Variants in FAM199X observed in about 807,000 individuals in gnomAD.
FAM199X encodes protein FAM199X.
FAM199X carries 4 observed loss-of-function variants against 22.9 expected under a neutral mutation model. The observed-to-expected ratio is 0.17, with a 90% CI of 0.09 to 0.40. The LOEUF is 0.40. Among genes scored for constraint, FAM199X ranks in the 10% least tolerant of loss-of-function variants. The probability of loss-of-function intolerance (pLI) is 1.00; values close to 1 mark genes in which losing one functional copy is unlikely to be tolerated. For synonymous variants in FAM199X, 101 were observed against 112.3 expected (o/e 0.90, Z 0.64); for missense variants, 183 against 306.8 (o/e 0.60, Z 3.01).
the FAM199X span, among the ~76,000 whole-genome samples, chrX:104,158,986 A>G: frequency 8.9e-6 from 1 of 112,131 alleles, no homozygotes; most frequent in Non-Finnish European, 1.9e-5. Flanking sequence ...CAACGATAGC[A>G]CACATGTCTG....
chrX:104,174,050 A>G (rs1921427186), intron 1 of FAM199X, among the ~76,000 whole-genome samples: 1 of 111,646 alleles, frequency 9.0e-6, no homozygotes, highest in Non-Finnish European at 1.9e-5. Context: ...TGGGGCGGAC[A>G]GATGGCTTGA....
At position 104,195,601 on chromosome X, in the gene FAM199X, A is replaced by G. The variant is rs1366716129; in HGVS notation, c.*5823A>G. 9.0e-6 allele frequency: 1 copy of G among 111,258 alleles called. No homozygotes were observed. Among genetic ancestry groups the G allele is most frequent in the Admixed American group, 9.6e-5 (1 of 10,440 alleles). 9.2% of individuals were successfully genotyped at this position (111,258 alleles called of 1,213,427 possible). On this transcript the variant is annotated 3_prime_UTR_variant, in exon 6 of 6. Coordinates refer to ENST00000493442, the MANE Select transcript of FAM199X (RefSeq NM_207318.4). ...ATTTAGAATCTTAAGTTAGAATTTT[A>G]TAGAAGAAATGTCTGAGCAGTTCTA...
chrX:104,186,220 A>G lies in FAM199X; in HGVS notation c.567+5A>G. ...GCAATGACAAATGATGAGCAGGTAA[A>G]GATCTTGACATTCTTAATTAAAAGC... On this transcript the variant is annotated splice_donor_5th_base_variant and intron_variant, in intron 3 of 5. Transcript: ENST00000493442. The G allele has an allele frequency of 8.3e-7, 1 of 1,202,936 alleles. No homozygotes were observed.
In FAM199X at chrX:104,166,600, G is replaced by A; in HGVS notation, c.-186G>A. The A allele has an allele frequency of 2.7e-6, 1 of 363,646 alleles. No individual in the cohort carries two copies. Among genetic ancestry groups the A allele is most frequent in the Admixed American group, 6.0e-5 (1 of 16,722 alleles). 30.0% of individuals were successfully genotyped at this position (363,646 alleles called of 1,213,427 possible). The stretch of plus-strand genomic sequence containing the variant: ...GGCCGGTGGGCCGCTGTGGCCTCGA[G>A]CAGCCTCTTCGCGCGGCCCCGCACC... On this transcript the variant is annotated 5_prime_UTR_variant, in exon 1 of 6. Coordinates refer to ENST00000493442, the MANE Select transcript of FAM199X (RefSeq NM_207318.4).
chrX:104,189,532 T>A lies in FAM199X; in HGVS notation c.997-76T>A, dbSNP rs1257713218. ...GCTCTTAAAGTTAGAAAATAGAGAATTTGATCCACAAAACATTTTGGGGTG... is the reference window on the plus strand; with the variant it reads ...GCTCTTAAAGTTAGAAAATAGAGAAATTGATCCACAAAACATTTTGGGGTG... On this transcript the variant is annotated intron_variant, in intron 5 of 5. Coordinates refer to ENST00000493442, the MANE Select transcript of FAM199X (RefSeq NM_207318.4). The A allele has an allele frequency of 3.9e-6, 4 of 1,012,927 alleles. No individual in the cohort carries two copies. In the Admixed American group the frequency reaches 8.9e-5, roughly 23 times the overall value. The allele number at this position is 1,012,927 out of a possible 1,213,427, so 83.5% of individuals were successfully genotyped here. A position where few individuals can be genotyped will look rare whatever the true frequency, so the allele number is the denominator to read the frequency against.
chrX:104,181,226 A>G (rs1260004073), intron 2 of FAM199X, among the ~76,000 whole-genome samples: 2 of 112,821 alleles, frequency 1.8e-5, no homozygotes, highest in Non-Finnish European at 1.9e-5. Context: ...AAGTCTCCCT[A>G]TGTTTCACAA....
intron 1 of FAM199X, among the ~76,000 whole-genome samples, chrX:104,167,278 G>A (rs1921232865): frequency 1.6e-5 from 1 of 62,158 alleles, no homozygotes. Context: ...TGTACCCTAC[G>A]AATCCCAAAC....
Position 104,189,979 on chromosome X carries a change from C to A in FAM199X, c.*201C>A. The A allele has an allele frequency of 2.5e-6, 1 of 394,655 alleles. No homozygotes were observed. The highest frequency in any genetic ancestry group is 4.3e-6 in the Non-Finnish European group (1 of 231,762). The allele number at this position is 394,655 out of a possible 1,213,427, so 32.5% of individuals were successfully genotyped here. Reference sequence around the variant, plus strand: ...TTGTTAGGAATGCATACTAGTGGGCCCCGCCCCCAGACATAGTGAATCAGA... The same window carrying A: ...TTGTTAGGAATGCATACTAGTGGGCACCGCCCCCAGACATAGTGAATCAGA... On this transcript the variant is annotated 3_prime_UTR_variant, in exon 6 of 6. Coordinates refer to ENST00000493442, the MANE Select transcript of FAM199X (RefSeq NM_207318.4).
chrX:104,184,038 T>C (rs1295464621), intron 2 of FAM199X, among the ~76,000 whole-genome samples: 2 of 112,292 alleles, frequency 1.8e-5, no homozygotes, highest in African/African-American at 6.5e-5. Flanking sequence ...TCCCAAACTT[T>C]AATCCTGCAG....
At chrX:104,175,922 A>G in intron 2 of FAM199X, 80 bp downstream of exon 2, 1 of 679,534 alleles carries the variant, frequency 1.5e-6, no homozygotes, top group Non-Finnish European at 2.2e-6. Context: ...TTTCATCTCT[A>G]CTTCAAAGTA....
chrX:104,159,586 T>G, the FAM199X span, among the ~76,000 whole-genome samples: 1 of 112,590 alleles, frequency 8.9e-6, no homozygotes, highest in African/African-American at 3.2e-5. Flanking sequence ...ATGTTTCAGT[T>G]ATTTGTTTCT....
At chrX:104,186,414 T>C (rs1556379144) in intron 3 of FAM199X, 46 bp from the exon 4 acceptor site, 2 of 1,166,624 alleles carry the variant, frequency 1.7e-6, no homozygotes, top group Admixed American at 2.3e-5. Context: ...TAATAAAGGA[T>C]CAGAAGTTTT....
At position 104,195,394 on chromosome X, in the gene FAM199X, A is replaced by G. The variant is rs1183849227; in HGVS notation, c.*5616A>G. ...ATTTGGTGAAAGCCCCAGATACCCA[A>G]ATGTCATTGGCAAAACTTATTTTTT... On this transcript the variant is annotated 3_prime_UTR_variant, in exon 6 of 6. Coordinates refer to ENST00000493442, the MANE Select transcript of FAM199X (RefSeq NM_207318.4). 2 of 111,236 alleles carry G rather than the reference A, an allele frequency of 1.8e-5. No individual in the cohort carries two copies. Among genetic ancestry groups the G allele is most frequent in the African/African-American group, 6.5e-5 (2 of 30,605 alleles). The allele number at this position is 111,236 out of a possible 1,213,427, so 9.2% of individuals were successfully genotyped here.
At chrX:104,157,590 T>TG in the FAM199X span, among the ~76,000 whole-genome samples, 1 of 112,285 alleles carries the variant, frequency 8.9e-6, no homozygotes, top group Admixed American at 9.5e-5. Context: ...AAATTTCACA[T>TG]GTGAGGAGCA....
At chrX:104,183,651 G>A (rs1482903427) in intron 2 of FAM199X, among the ~76,000 whole-genome samples, 1 of 111,346 alleles carries the variant, frequency 9.0e-6, no homozygotes, top group East Asian at 2.8e-4. Flanking sequence ...TTTTAGTAGA[G>A]ACGGAGTTTT....
At chrX:104,161,398 C>T in the FAM199X span, among the ~76,000 whole-genome samples, 1 of 112,209 alleles carries the variant, frequency 8.9e-6, no homozygotes, top group African/African-American at 3.2e-5. Context: ...GGAGATATGA[C>T]TTTCCTAACT....
chrX:104,182,098 C>T (rs1361121503), intron 2 of FAM199X, among the ~76,000 whole-genome samples: 2 of 106,565 alleles, frequency 1.9e-5, no homozygotes, highest in African/African-American at 6.9e-5. Flanking sequence ...AAGCGATGCT[C>T]CTGCCTCAGC....
intron 2 of FAM199X, among the ~76,000 whole-genome samples, chrX:104,176,362 T>C (rs1211464829): frequency 8.9e-6 from 1 of 112,411 alleles, no homozygotes; most frequent in Non-Finnish European, 1.9e-5. Flanking sequence ...GGCTTTGTGG[T>C]AAATTGTTTG....
In FAM199X at chrX:104,175,496, G is replaced by A; in HGVS notation, c.198-127G>A. Reference sequence around the variant, plus strand: ...TTAGTATATTTCCTTAAAAGGTAGGGGCTCTTTTAAAAATACAAAAAACCT... The same window carrying A: ...TTAGTATATTTCCTTAAAAGGTAGGAGCTCTTTTAAAAATACAAAAAACCT... On this transcript the variant is annotated intron_variant, in intron 1 of 5. Transcript: ENST00000493442. The A allele has an allele frequency of 5.9e-6, 3 of 509,065 alleles. No individual in the cohort carries two copies. In the South Asian group the frequency reaches 1.1e-4, roughly 18 times the overall value. The allele number at this position is 509,065 out of a possible 1,213,427, so 42.0% of individuals were successfully genotyped here. A position where few individuals can be genotyped will look rare whatever the true frequency, so the allele number is the denominator to read the frequency against.
Sources: allele counts gnomAD v4.1 joint callset (sites outside exome capture counted in the v4.1 genomes callset), GRCh38; gene constraint gnomAD v4.1.1; transcripts MANE v1.5; gene names NCBI Gene and HGNC (gene_info 2026-07-23, HGNC 2026-07-21).